Variants in FHIT observed in about 807,000 individuals in gnomAD.
The protein encoded by FHIT is fragile histidine triad diadenosine triphosphatase, also known as bis(5'-adenosyl)-triphosphatase.
Under a neutral mutation model 17.9 loss-of-function variants are expected in FHIT, and 19 were observed. That is an observed-to-expected ratio of 1.06 (90% confidence interval 0.74 to 1.56). The LOEUF (loss-of-function observed/expected upper bound fraction) is 1.56. Ranked by LOEUF, FHIT falls within the 40% of genes most tolerant of loss-of-function variation. The pLI, the probability that FHIT is intolerant of heterozygous loss-of-function variation, is 0.00. For synonymous variants in FHIT, 81 were observed against 69.7 expected, an observed-to-expected ratio of 1.16 and a Z score of -0.81; for missense variants, 248 against 189.2, an observed-to-expected ratio of 1.31 and a Z score of -1.82.
intron 4 of FHIT, among the ~76,000 whole-genome samples, chr3:60,593,960 C>A (rs1166817235): frequency 6.6e-6 from 1 of 152,100 alleles, no homozygotes; most frequent in African/African-American, 2.4e-5. Context: ...ATAGGTATAA[C>A]TTTTCCCAAT....
At chr3:60,878,657 AGG>A (rs1704800629) in intron 3 of FHIT, among the ~76,000 whole-genome samples, 1 of 151,686 alleles carries the variant, frequency 6.6e-6, no homozygotes, top group Non-Finnish European at 1.5e-5. Flanking sequence ...ACCCCACAAC[AGG>A]CCCCGGTGTG....
At chr3:60,098,630 G>A (rs1482526778) in intron 5 of FHIT, among the ~76,000 whole-genome samples, 3 of 152,138 alleles carry the variant, frequency 2.0e-5, no homozygotes, top group Non-Finnish European at 2.9e-5. Context: ...TTTGTCAGAT[G>A]AATAGATTGC....
chr3:60,379,575 G>A (rs1053622090), intron 5 of FHIT, among the ~76,000 whole-genome samples: 1 of 152,092 alleles, frequency 6.6e-6, no homozygotes, highest in Non-Finnish European at 1.5e-5. Context: ...AACAAGTTTG[G>A]TATGCCATTT....
At chr3:61,092,711 T>G (rs1487654441) in intron 2 of FHIT, among the ~76,000 whole-genome samples, 1 of 152,196 alleles carries the variant, frequency 6.6e-6, no homozygotes, top group Non-Finnish European at 1.5e-5. Flanking sequence ...ATCTCTTTTA[T>G]GTTTTAAGTT....
At chr3:60,941,760 T>A (rs1378448514) in intron 3 of FHIT, among the ~76,000 whole-genome samples, 2 of 152,190 alleles carry the variant, frequency 1.3e-5, no homozygotes, top group African/African-American at 4.8e-5. Context: ...GATCCCCTAT[T>A]CGTCCTTCAT....
chr3:60,054,761 G>A (rs930709750), intron 5 of FHIT, among the ~76,000 whole-genome samples: 2 of 152,076 alleles, frequency 1.3e-5, no homozygotes, highest in African/African-American at 4.8e-5. Context: ...TTGTGTTGGT[G>A]GTGGTGGTTA....
chr3:60,470,225 G>A (rs1200214711), intron 5 of FHIT, among the ~76,000 whole-genome samples: 1 of 151,920 alleles, frequency 6.6e-6, no homozygotes, highest in Non-Finnish European at 1.5e-5. Flanking sequence ...TACCACCTAT[G>A]TTAACTCAAG....
intron 2 of FHIT, among the ~76,000 whole-genome samples, chr3:61,187,943 G>A (rs1345947650): frequency 1.3e-5 from 2 of 152,142 alleles, no homozygotes; most frequent in South Asian, 4.1e-4. Context: ...TGTGGAGAGG[G>A]AAATTTACAG....
intron 1 of FHIT, among the ~76,000 whole-genome samples, chr3:61,213,441 A>C (rs2039557866): frequency 6.6e-6 from 1 of 152,262 alleles, no homozygotes; most frequent in Non-Finnish European, 1.5e-5. Flanking sequence ...GGATCAATTC[A>C]ACAAGTAGAG....
chr3:60,621,036 A>G (rs2039110637), intron 4 of FHIT, among the ~76,000 whole-genome samples: 1 of 152,132 alleles, frequency 6.6e-6, no homozygotes, highest in South Asian at 2.1e-4. Context: ...ACTCAGAAGT[A>G]TCCAGACTAA....
chr3:59,983,021 C>T (rs1159309458), intron 7 of FHIT, among the ~76,000 whole-genome samples: 1 of 152,006 alleles, frequency 6.6e-6, no homozygotes, highest in Non-Finnish European at 1.5e-5. Flanking sequence ...TCACTGCAAC[C>T]CCCACCTCCC....
intron 3 of FHIT, among the ~76,000 whole-genome samples, chr3:60,957,080 A>C (rs1341079717): frequency 1.3e-5 from 2 of 152,108 alleles, no homozygotes; most frequent in African/African-American, 2.4e-5. Context: ...TTCTAAAAAT[A>C]TCTTGTTCAA....
chr3:61,040,306 G>C (rs1471688146), intron 3 of FHIT, among the ~76,000 whole-genome samples: 1 of 152,100 alleles, frequency 6.6e-6, no homozygotes, highest in African/African-American at 2.4e-5. Context: ...GCCTTATTTT[G>C]TTTTTTAAAC....
intron 4 of FHIT, among the ~76,000 whole-genome samples, chr3:60,703,185 T>A (rs1269671717): frequency 6.6e-6 from 1 of 151,900 alleles, no homozygotes; most frequent in Non-Finnish European, 1.5e-5. Context: ...GAGACTGGAG[T>A]AATGTGTCTG....
At chr3:61,039,851 AAAAC>A (rs1292250755) in intron 3 of FHIT, among the ~76,000 whole-genome samples, 3 of 152,170 alleles carry the variant, frequency 2.0e-5, no homozygotes, top group Admixed American at 6.5e-5. Context: ...AAAGTATAAA[AAAAC>A]AAACAAACAA....
chr3:60,708,768 A>G (rs1327397630), intron 4 of FHIT, among the ~76,000 whole-genome samples: 1 of 152,238 alleles, frequency 6.6e-6, no homozygotes, highest in Non-Finnish European at 1.5e-5. Context: ...AGTATTCCCC[A>G]AAGCTTATTC....
intron 4 of FHIT, among the ~76,000 whole-genome samples, chr3:60,559,142 G>T (rs1231716721): frequency 6.6e-6 from 1 of 152,084 alleles, no homozygotes; most frequent in South Asian, 2.1e-4. Context: ...TCATAGATTT[G>T]TGTTAGTAAA....
chr3:60,965,464 T>G (rs1160264977), intron 3 of FHIT, among the ~76,000 whole-genome samples: 2 of 152,244 alleles, frequency 1.3e-5, no homozygotes, highest in South Asian at 2.1e-4. Context: ...CCATCCAGCT[T>G]TGTTCCCTTG....
intron 5 of FHIT, among the ~76,000 whole-genome samples, chr3:60,057,731 AG>A (rs1463024427): frequency 6.6e-6 from 1 of 150,866 alleles, no homozygotes; most frequent in Non-Finnish European, 1.5e-5. Context: ...GAAACTCACC[AG>A]ATCACCACAT....
Sources: allele counts gnomAD v4.1 joint callset (sites outside exome capture counted in the v4.1 genomes callset), GRCh38; gene constraint gnomAD v4.1.1; transcripts MANE v1.5; gene names NCBI Gene and HGNC (gene_info 2026-07-23, HGNC 2026-07-21).